TENM3: variants seen among roughly 807,000 people sequenced by gnomAD.
The protein encoded by TENM3 is teneurin transmembrane protein 3.
In TENM3, 63 loss-of-function variants were observed where a neutral mutation model predicts 255.1. That is an observed-to-expected ratio of 0.25 (90% CI 0.20 to 0.30). TENM3 has a LOEUF of 0.30. TENM3 is among the 10% of genes least tolerant of loss of function. The pLI is 1.00. For synonymous variants in TENM3, 1,306 were observed against 1,322.3 expected (o/e 0.99, Z 0.27); for missense variants, 2,929 against 3,461.1 (o/e 0.85, Z 3.86).
the TENM3 span, among the ~76,000 whole-genome samples, chr4:181,488,987 C>T: frequency 1.3e-5 from 2 of 152,186 alleles, no homozygotes; most frequent in African/African-American, 4.8e-5. Context: ...TGATCAGCCT[C>T]AAGGTCCTCT....
intron 3 of TENM3, among the ~76,000 whole-genome samples, chr4:182,440,627 A>C (rs1315637736): frequency 6.6e-6 from 1 of 152,186 alleles, no homozygotes; most frequent in African/African-American, 2.4e-5. Flanking sequence ...AAGATGAAAG[A>C]GATGAAAAAC....
the TENM3 span, among the ~76,000 whole-genome samples, chr4:181,592,785 A>C: frequency 9.2e-5 from 14 of 151,652 alleles, no homozygotes; most frequent in East Asian, 1.9e-4. Flanking sequence ...TCAGCCTTTC[A>C]ATTTCTCAGC....
At chr4:182,272,737 C>T (rs1030471414) in intron 1 of TENM3, among the ~76,000 whole-genome samples, 2 of 152,178 alleles carry the variant, frequency 1.3e-5, no homozygotes, top group Non-Finnish European at 2.9e-5. Flanking sequence ...GGTCCCTACC[C>T]TCATGGAGTT....
chr4:182,686,538 A>C (rs1040313195), intron 11 of TENM3, among the ~76,000 whole-genome samples: 1 of 152,132 alleles, frequency 6.6e-6, no homozygotes, highest in Admixed American at 6.5e-5. Flanking sequence ...ATTCAATAAG[A>C]GAATAGACTT....
intron 3 of TENM3, among the ~76,000 whole-genome samples, chr4:182,412,022 C>G (rs1214004058): frequency 6.6e-6 from 1 of 152,174 alleles, no homozygotes; most frequent in Non-Finnish European, 1.5e-5. Context: ...ATGATGAGGG[C>G]TAACAGTACC....
the TENM3 span, among the ~76,000 whole-genome samples, chr4:181,824,025 T>C: frequency 1.3e-5 from 2 of 152,038 alleles, no homozygotes; most frequent in Admixed American, 1.3e-4. Flanking sequence ...ATGAAGACAC[T>C]TACAGTTCCT....
At chr4:181,830,646 CA>C in the TENM3 span, among the ~76,000 whole-genome samples, 1 of 152,090 alleles carries the variant, frequency 6.6e-6, no homozygotes, top group Non-Finnish European at 1.5e-5. Flanking sequence ...TAACATCCCT[CA>C]GAGTAAAGAG....
At chr4:181,588,602 A>G in the TENM3 span, among the ~76,000 whole-genome samples, 4 of 152,324 alleles carry the variant, frequency 2.6e-5, no homozygotes, top group East Asian at 1.9e-4. Context: ...AACTGTGACT[A>G]TGAAGCTGCT....
chr4:182,647,230 G>A (rs1752835689), intron 5 of TENM3, among the ~76,000 whole-genome samples: 1 of 152,022 alleles, frequency 6.6e-6, no homozygotes, highest in African/African-American at 2.4e-5. Flanking sequence ...TTTTAATTCT[G>A]GTAAGAAACA....
At chr4:182,047,417 C>T in the TENM3 span, among the ~76,000 whole-genome samples, 4,383 of 151,836 alleles carry the variant, frequency 0.029, 212 homozygotes, top group African/African-American at 0.098. Context: ...AAAAAATTAG[C>T]GGGGCGTGGT....
the TENM3 span, among the ~76,000 whole-genome samples, chr4:181,977,288 C>T: frequency 6.6e-6 from 1 of 152,172 alleles, no homozygotes; most frequent in African/African-American, 2.4e-5. Flanking sequence ...CAGAACACAG[C>T]GCACAGCAAA....
the TENM3 span, among the ~76,000 whole-genome samples, chr4:182,029,693 A>T: frequency 6.6e-6 from 1 of 152,188 alleles, no homozygotes; most frequent in Non-Finnish European, 1.5e-5. Context: ...TGCTTTATTA[A>T]TATAACTAGG....
intron 22 of TENM3, among the ~76,000 whole-genome samples, chr4:182,770,213 A>G (rs1018751321): frequency 2.0e-5 from 3 of 151,960 alleles, no homozygotes; most frequent in Middle Eastern, 3.2e-3. Flanking sequence ...AGTAACGGGT[A>G]GTAGTTTTTA....
the TENM3 span, among the ~76,000 whole-genome samples, chr4:181,923,562 C>G: frequency 6.6e-6 from 1 of 152,212 alleles, no homozygotes; most frequent in East Asian, 1.9e-4. Flanking sequence ...AGTGGCTTAT[C>G]AAAGCCGATT....
chr4:181,449,212 A>G, the TENM3 span, among the ~76,000 whole-genome samples: 5 of 152,222 alleles, frequency 3.3e-5, no homozygotes, highest in African/African-American at 1.2e-4. Flanking sequence ...AATTAAGAGC[A>G]TGAATGATTT....
At chr4:182,193,381 C>T (rs1753642198) in intron 1 of TENM3, among the ~76,000 whole-genome samples, 1 of 152,166 alleles carries the variant, frequency 6.6e-6, no homozygotes, top group African/African-American at 2.4e-5. Flanking sequence ...CTCAAACTGA[C>T]ATCTAATTCC....
the TENM3 span, among the ~76,000 whole-genome samples, chr4:182,059,914 C>A: frequency 6.6e-6 from 1 of 151,830 alleles, no homozygotes; most frequent in African/African-American, 2.4e-5. Context: ...GTCTGGGTGA[C>A]AGAGTAAGGT....
At chr4:182,699,335 A>G (rs1388533434) in intron 12 of TENM3, among the ~76,000 whole-genome samples, 1 of 152,228 alleles carries the variant, frequency 6.6e-6, no homozygotes, top group Non-Finnish European at 1.5e-5. Context: ...GATAAGTTAG[A>G]TGTCATTGAA....
intron 1 of TENM3, among the ~76,000 whole-genome samples, chr4:182,310,090 C>A (rs1446119694): frequency 6.6e-6 from 1 of 152,210 alleles, no homozygotes; most frequent in Non-Finnish European, 1.5e-5. Context: ...AGACTTTAGA[C>A]ATAGTTTTGT....
Sources: gnomAD v4.1 joint callset for allele counts (sites outside exome capture counted in the v4.1 genomes callset) on GRCh38, gnomAD v4.1.1 for gene constraint, MANE v1.5 for transcripts, NCBI Gene and HGNC (gene_info 2026-07-23, HGNC 2026-07-21) for gene names.